PPM1L: variants seen among roughly 807,000 people sequenced by gnomAD.
PPM1L encodes protein phosphatase, Mg2+/Mn2+ dependent 1L, also known as protein phosphatase 1L.
In PPM1L, 13 loss-of-function variants were observed where a neutral mutation model predicts 31.4. The ratio of observed to expected loss-of-function variants is 0.41; its 90% CI spans 0.27 to 0.66. PPM1L has a LOEUF of 0.66. PPM1L is among the 30% of genes least tolerant of loss of function. The pLI is 0.29. For synonymous variants in PPM1L, 184 were observed against 175.4 expected (o/e 1.05, Z -0.39); for missense variants, 326 against 453.7 (o/e 0.72, Z 2.56).
intron 1 of PPM1L, among the ~76,000 whole-genome samples, chr3:160,955,581 C>T (rs987156912): frequency 2.0e-5 from 3 of 151,564 alleles, no homozygotes; most frequent in African/African-American, 4.8e-5. Flanking sequence ...GCTTGTTTTC[C>T]CAACAGTTCA....
intron 1 of PPM1L, among the ~76,000 whole-genome samples, chr3:160,871,980 A>T (rs2108030103): frequency 6.6e-6 from 1 of 152,290 alleles, no homozygotes; most frequent in Non-Finnish European, 1.5e-5. Flanking sequence ...GTCATTGAAC[A>T]CTAAAGCTGT....
intron 2 of PPM1L, among the ~76,000 whole-genome samples, chr3:160,977,931 T>C (rs1716653591): frequency 6.6e-6 from 1 of 152,154 alleles, no homozygotes; most frequent in South Asian, 2.1e-4. Context: ...TCACAAGACT[T>C]CCTGTGTATG....
At chr3:160,982,911 G>C (rs2376477) in intron 2 of PPM1L, among the ~76,000 whole-genome samples, 1 of 151,972 alleles carries the variant, frequency 6.6e-6, no homozygotes, top group Non-Finnish European at 1.5e-5. Context: ...CTCCACTGTG[G>C]CTAGATTTTT....
intron 2 of PPM1L, among the ~76,000 whole-genome samples, chr3:161,020,420 A>G (rs1718208561): frequency 6.6e-6 from 1 of 152,166 alleles, no homozygotes; most frequent in South Asian, 2.1e-4. Flanking sequence ...ACTGACCTTA[A>G]CATAAGCAAG....
At chr3:160,960,237 A>G (rs145328691) in intron 1 of PPM1L, among the ~76,000 whole-genome samples, 8 of 152,314 alleles carry the variant, frequency 5.3e-5, no homozygotes, top group African/African-American at 9.6e-5. Flanking sequence ...AAAAACTGAT[A>G]CATTGTAACT....
chr3:161,011,596 A>G (rs1265404000), intron 2 of PPM1L, among the ~76,000 whole-genome samples: 3 of 151,638 alleles, frequency 2.0e-5, no homozygotes, highest in African/African-American at 7.3e-5. Flanking sequence ...GAATCTATAA[A>G]TTACCTTGGG....
chr3:160,817,668 C>T (rs1400608444), intron 1 of PPM1L, among the ~76,000 whole-genome samples: 1 of 152,012 alleles, frequency 6.6e-6, no homozygotes, highest in African/African-American at 2.4e-5. Context: ...GTAAAGATTT[C>T]AGTGCCTTAA....
At chr3:160,772,220 C>G (rs1053796572) in intron 1 of PPM1L, among the ~76,000 whole-genome samples, 1 of 152,184 alleles carries the variant, frequency 6.6e-6, no homozygotes, top group Admixed American at 6.5e-5. Flanking sequence ...AGGCCCTGAT[C>G]TGATTCATGA....
chr3:161,002,152 A>G (rs1217105688), intron 2 of PPM1L, among the ~76,000 whole-genome samples: 1 of 152,138 alleles, frequency 6.6e-6, no homozygotes, highest in Non-Finnish European at 1.5e-5. Flanking sequence ...CCATGTCCCT[A>G]CAAACGACGT....
At chr3:161,038,594 A>T (rs1178864910) in intron 2 of PPM1L, among the ~76,000 whole-genome samples, 5 of 110,916 alleles carry the variant, frequency 4.5e-5, no homozygotes, top group African/African-American at 2.1e-4. Flanking sequence ...TTAAAAAAAA[A>T]AAAAAAAAAA....
chr3:160,979,895 A>G (rs1427634637), intron 2 of PPM1L, among the ~76,000 whole-genome samples: 1 of 152,130 alleles, frequency 6.6e-6, no homozygotes, highest in East Asian at 1.9e-4. Flanking sequence ...GAATAAGTCG[A>G]CAAAGGAACT....
In PPM1L at chr3:161,065,520, A is replaced by G; in HGVS notation, c.692A>G (p.His231Arg). 6.2e-7 allele frequency: 1 copy of G among 1,614,072 alleles called. No homozygotes were observed. The highest frequency in any genetic ancestry group is 1.1e-5 in the South Asian group (1 of 91,086). Residue 231 changes from histidine to arginine, a missense_variant, in exon 3 of 4, where the codon CAC (histidine) becomes CGC (arginine). His to Arg is a conservative substitution (Grantham distance 29). Transcript: ENST00000498165. The stretch of plus-strand genomic sequence containing the variant: ...AACGCTATTCCTTTGTCTCATGATC[A>G]CAAGCCTTACCAGTTGAAGGAAAGA... ...DGNAIPLSHD[H>R]KPYQLKERKR...
intron 2 of PPM1L, among the ~76,000 whole-genome samples, chr3:161,016,914 G>C (rs1184611564): frequency 1.3e-5 from 2 of 152,126 alleles, no homozygotes; most frequent in Non-Finnish European, 2.9e-5. Context: ...AGAAGATTGT[G>C]TTTTCCAGTT....
At chr3:160,765,915 A>AG (rs1452583804) in intron 1 of PPM1L, among the ~76,000 whole-genome samples, 1 of 151,910 alleles carries the variant, frequency 6.6e-6, no homozygotes, top group East Asian at 1.9e-4. Context: ...TATAATACTG[A>AG]GTTGGTATGT....
intron 1 of PPM1L, among the ~76,000 whole-genome samples, chr3:160,790,325 TCCTC>T (rs1232722493): frequency 6.6e-6 from 1 of 152,186 alleles, no homozygotes; most frequent in African/African-American, 2.4e-5. Flanking sequence ...ATATTCTTGT[TCCTC>T]CATAGCACCT....
chr3:161,026,707 A>G (rs1440468072), intron 2 of PPM1L, among the ~76,000 whole-genome samples: 1 of 152,096 alleles, frequency 6.6e-6, no homozygotes, highest in Non-Finnish European at 1.5e-5. Flanking sequence ...CAAAAAAAAA[A>G]AAAAAGAAAA....
intron 1 of PPM1L, among the ~76,000 whole-genome samples, chr3:160,922,089 T>C (rs1261722443): frequency 6.6e-6 from 1 of 152,088 alleles, no homozygotes; most frequent in South Asian, 2.1e-4. Flanking sequence ...GGCGGGCAGA[T>C]CACGAGGTCA....
chr3:160,823,048 G>A (rs1037312534), intron 1 of PPM1L, among the ~76,000 whole-genome samples: 2 of 151,952 alleles, frequency 1.3e-5, no homozygotes, highest in Admixed American at 1.3e-4. Context: ...CAAAGAGATA[G>A]AACTATCTTC....
At chr3:160,783,736 C>T (rs1273867096) in intron 1 of PPM1L, among the ~76,000 whole-genome samples, 7 of 152,044 alleles carry the variant, frequency 4.6e-5, no homozygotes, top group Non-Finnish European at 8.8e-5. Flanking sequence ...ACCATGTTCC[C>T]CCTCTGGATG....
Sources: gnomAD v4.1 joint callset for allele counts (sites outside exome capture counted in the v4.1 genomes callset) on GRCh38, gnomAD v4.1.1 for gene constraint, MANE v1.5 for transcripts, NCBI Gene and HGNC (gene_info 2026-07-23, HGNC 2026-07-21) for gene names.